The following NUP85 variants were observed in gnomAD, a reference collection of about 807,000 sequenced individuals.
NUP85 encodes nuclear pore complex protein Nup85.
A neutral mutation model predicts 92.8 loss-of-function variants in NUP85; 23 were observed. The observed-to-expected ratio is 0.25, with a 90% CI of 0.18 to 0.35. NUP85 has a LOEUF of 0.35. NUP85 is among the 10% of genes least tolerant of loss of function. The pLI is 1.00. For synonymous variants in NUP85, 314 were observed against 306.9 expected (o/e 1.02, Z -0.24); for missense variants, 759 against 822.8 (o/e 0.92, Z 0.95).
At chr17:75,215,428 T>A (rs559713536) in intron 5 of NUP85, among the ~76,000 whole-genome samples, 1 of 152,314 alleles carries the variant, frequency 6.6e-6, no homozygotes, top group African/African-American at 2.4e-5. Context: ...CAAGCTGGTC[T>A]CAAACTCCTA....
chr17:75,226,530 G>A (rs1568085809), intron 11 of NUP85, among the ~76,000 whole-genome samples: 1 of 151,978 alleles, frequency 6.6e-6, no homozygotes, highest in Admixed American at 6.6e-5. Flanking sequence ...GGAGGATGTG[G>A]CCTAATCACC....
intron 5 of NUP85, 39 bp from the exon 6 acceptor site, chr17:75,215,715 A>G (rs762500485): frequency 6.3e-7 from 1 of 1,589,766 alleles, no homozygotes; most frequent in Non-Finnish European, 8.6e-7. Flanking sequence ...AAAGCTCAGG[A>G]ATCATTTCAG....
rs1006696914 is a variant in NUP85, at chr17:75,231,525, G to C, written c.1179-48G>C. Reference sequence around the variant, plus strand: ...AGGGAGGTTGGGCTAAGGGGGCCCTGAACAGGGCAGGCCAGGAGTCTTGGT... The same window carrying C: ...AGGGAGGTTGGGCTAAGGGGGCCCTCAACAGGGCAGGCCAGGAGTCTTGGT... On this transcript the variant is annotated intron_variant, in intron 12 of 18. Coordinates refer to ENST00000245544, the MANE Select transcript of NUP85 (RefSeq NM_024844.5). This position sits in a 1 kb window ranked among gnomAD's most constrained non-coding sequence, Gnocchi z 4.6. 6.2e-7 allele frequency: 1 copy of C among 1,612,244 alleles called. No homozygotes were observed. Among genetic ancestry groups the C allele is most frequent in the East Asian group, 2.2e-5 (1 of 44,892 alleles).
chr17:75,230,953 A>G (rs1555667206), intron 11 of NUP85, among the ~76,000 whole-genome samples: 1 of 57,794 alleles, frequency 1.7e-5, no homozygotes, highest in Non-Finnish European at 4.2e-5. Context: ...TTTTTTTGAG[A>G]TATGGTTGTG....
rs11482792 is a variant in NUP85 at position 75,224,829 on chromosome 17, G to GAA, written c.598-259_598-258dup. 4.0e-3 allele frequency among the ~76,000 whole-genome samples: 527 copies of GAA among 132,324 alleles called. 1 individual carries two copies. The highest frequency in any genetic ancestry group is 9.8e-3 in the African/African-American group (340 of 34,756). The allele number at this position is 132,324 out of a possible 152,430, so 86.8% of individuals were successfully genotyped here. A position where few individuals can be genotyped will look rare whatever the true frequency, so the allele number is the denominator to read the frequency against. The stretch of plus-strand genomic sequence containing the variant: ...CCTGGGCAACAAGAGGGGAACTCTG[G>GAA]AAAAAAAAAAAAAAAAGGTGGTCAC... On this transcript the variant is annotated intron_variant, in intron 7 of 18. Transcript: ENST00000245544.
chr17:75,207,226 C>T (rs1388706551), intron 1 of NUP85, among the ~76,000 whole-genome samples: 1 of 151,612 alleles, frequency 6.6e-6, no homozygotes, highest in Non-Finnish European at 1.5e-5. Flanking sequence ...TCTTGTCGCC[C>T]AGGCTAGAGT....
chr17:75,225,040 C>T (rs2075734791), intron 7 of NUP85, 63 bp from the exon 8 acceptor site: 4 of 1,492,048 alleles, frequency 2.7e-6, no homozygotes, highest in Non-Finnish European at 3.6e-6. Context: ...GGGGACTGGC[C>T]TCCTCACGCC....
chr17:75,207,214 C>T (rs1468667181), intron 1 of NUP85, among the ~76,000 whole-genome samples: 1 of 151,140 alleles, frequency 6.6e-6, no homozygotes, highest in Non-Finnish European at 1.5e-5. Context: ...GCGGAGTTTC[C>T]CTCTTGTCGC....
intron 1 of NUP85, among the ~76,000 whole-genome samples, chr17:75,207,103 A>AC (rs2075107916): frequency 2.6e-5 from 4 of 152,208 alleles, no homozygotes; most frequent in Admixed American, 2.0e-4. Context: ...GGCGATGTGT[A>AC]TCCTGAAAAT....
chr17:75,209,677 C>T (rs1050922782), intron 2 of NUP85, 146 bp from the exon 3 acceptor site: 38 of 569,874 alleles, frequency 6.7e-5, no homozygotes, highest in South Asian at 2.2e-4. Context: ...TTCCTGACCT[C>T]GTGATCTGCC....
chr17:75,227,451 T>G (rs1297876900), intron 11 of NUP85, among the ~76,000 whole-genome samples: 1 of 149,160 alleles, frequency 6.7e-6, no homozygotes, highest in Non-Finnish European at 1.5e-5. Flanking sequence ...TTCTACTGCC[T>G]CAGTCTCCCA....
chr17:75,224,327 G>A (rs1191926661), intron 7 of NUP85, among the ~76,000 whole-genome samples: 1 of 151,874 alleles, frequency 6.6e-6, no homozygotes, highest in Non-Finnish European at 1.5e-5. Flanking sequence ...TTACAGCTGT[G>A]AGCCACCACG....
At chr17:75,209,660 T>G (rs1212723518) in intron 2 of NUP85, among the ~76,000 whole-genome samples, 163 bp from the exon 3 acceptor site, 1 of 152,172 alleles carries the variant, frequency 6.6e-6, no homozygotes, top group Non-Finnish European at 1.5e-5. Context: ...GCCAGCCTGG[T>G]CTCGAATTCC....
chr17:75,227,643 GT>G (rs549759496), intron 11 of NUP85, among the ~76,000 whole-genome samples: 69 of 139,774 alleles, frequency 4.9e-4, no homozygotes, highest in Admixed American at 8.6e-4. Context: ...GCCCTGCCAA[GT>G]TTTTTTTTTT....
rs1369215376 is a variant in NUP85, at chr17:75,231,918, C to T, written c.1335C>T (p.Asn445=). 2 of 1,614,232 alleles carry T rather than the reference C, an allele frequency of 1.2e-6. No individual in the cohort carries two copies. Among genetic ancestry groups the T allele is most frequent in the South Asian group, 2.2e-5 (2 of 91,084 alleles). ...TGCACATTGAGCGGATACCTCTGAA[C>T]ACCGAGCAGAAAGCCCTGAAGGTGC... ...LELHIERIPL[N]TEQKALKVLR... is the part of the protein sequence containing the mutation. Residue 445 remains asparagine (N), a synonymous_variant, in exon 14 of 19, where the codon AAC becomes AAT. Coordinates refer to ENST00000245544, the MANE Select transcript of NUP85 (RefSeq NM_024844.5). The surrounding 1 kb of genome is among the most constrained non-coding windows in gnomAD (Gnocchi z 4.6).
At chr17:75,218,112 T>C in intron 6 of NUP85, 73 bp from the exon 7 acceptor site, 1 of 1,600,532 alleles carries the variant, frequency 6.2e-7, no homozygotes, top group Non-Finnish European at 8.5e-7. Context: ...TAAAGTTCTC[T>C]GTTCCTTGGA....
Position 75,235,738 on chromosome 17 carries a change from A to G in NUP85, c.*59A>G, listed in dbSNP as rs1251501198. ...TGTATATAGATTTTTTTAAAAGAAT[A>G]AATGTTGTTTTGCAAATGTAGGTTC... is the stretch of plus-strand genomic sequence containing the variant. On this transcript the variant is annotated 3_prime_UTR_variant, in exon 19 of 19. Transcript: ENST00000245544. 1 of 1,323,064 alleles carries G rather than the reference A, an allele frequency of 7.6e-7. No individual in the cohort carries two copies. The highest frequency in any genetic ancestry group is 1.1e-6 in the Non-Finnish European group (1 of 925,166). 82.0% of individuals were successfully genotyped at this position (1,323,064 alleles called of 1,614,324 possible). A position where few individuals can be genotyped will look rare whatever the true frequency, so the allele number is the denominator to read the frequency against.
chr17:75,215,940 CATT>C, intron 6 of NUP85, 117 bp downstream of exon 6: 2 of 914,478 alleles, frequency 2.2e-6, no homozygotes, highest in Middle Eastern at 3.2e-4. Flanking sequence ...TTCTTTCCAT[CATT>C]ATAACCACGG....
At chr17:75,233,332 T>C (rs1044643783) in intron 16 of NUP85, among the ~76,000 whole-genome samples, 174 bp downstream of exon 16, 1 of 152,102 alleles carries the variant, frequency 6.6e-6, no homozygotes, top group Non-Finnish European at 1.5e-5. Flanking sequence ...TCACATCTCC[T>C]TAGTGCCTCC....
Sources: allele counts gnomAD v4.1 joint callset (sites outside exome capture counted in the v4.1 genomes callset), GRCh38; gene constraint gnomAD v4.1.1; non-coding constraint Gnocchi (gnomAD v3.1); transcripts MANE v1.5; gene names NCBI Gene and HGNC (gene_info 2026-07-23, HGNC 2026-07-21).